Variants in PRDX6 observed in about 807,000 individuals in gnomAD.
PRDX6 encodes peroxiredoxin-6.
In PRDX6, 13 loss-of-function variants were observed where a neutral mutation model predicts 20.0. The observed-to-expected ratio is 0.65, with a 90% confidence interval of 0.42 to 1.03. The LOEUF is 1.03. PRDX6 is among the 50% of genes least tolerant of loss of function. The pLI is 0.00. For synonymous variants in PRDX6, 85 were observed against 100.8 expected, an observed-to-expected ratio of 0.84 and a Z score of 0.94; for missense variants, 203 against 276.9, an observed-to-expected ratio of 0.73 and a Z score of 1.89.
chr1:173,486,107 C>A, intron 3 of PRDX6, 148 bp from the exon 4 acceptor site: 2 of 552,444 alleles, frequency 3.6e-6, no homozygotes, highest in Non-Finnish European at 5.9e-6. Flanking sequence ...TCCAGCCATC[C>A]ACATTAGCAG....
intron 1 of PRDX6, among the ~76,000 whole-genome samples, chr1:173,480,569 A>C (rs189181166): frequency 6.9e-4 from 105 of 152,356 alleles, no homozygotes; most frequent in African/African-American, 2.5e-3. Flanking sequence ...TATTTACCTA[A>C]GAATTTGCTG....
intron 2 of PRDX6, among the ~76,000 whole-genome samples, chr1:173,484,596 A>G (rs148597798): frequency 3.6e-4 from 55 of 152,242 alleles, no homozygotes; most frequent in African/African-American, 1.2e-3. Context: ...AAATAACAAA[A>G]CTAGATTTTT....
chr1:173,484,138 T>TTATA (rs1553242243), intron 2 of PRDX6, among the ~76,000 whole-genome samples: 1 of 86,928 alleles, frequency 1.2e-5, no homozygotes, highest in East Asian at 3.6e-4. Context: ...AAAAAAAAAA[T>TTATA]TAGATATATA....
At chr1:173,481,215 T>A (rs1658795619) in intron 1 of PRDX6, 111 bp from the exon 2 acceptor site, 1 of 1,062,156 alleles carries the variant, frequency 9.4e-7, no homozygotes, top group African/African-American at 1.6e-5. Flanking sequence ...ATCATAAGCA[T>A]TCATTTAAAA....
chr1:173,479,613 G>A (rs551730760), intron 1 of PRDX6, among the ~76,000 whole-genome samples: 12 of 152,314 alleles, frequency 7.9e-5, no homozygotes, highest in African/African-American at 2.2e-4. Flanking sequence ...TTTTCCAGGG[G>A]TCTTCTGGGG....
At chr1:173,484,195 CAT>C (rs1212281745) in intron 2 of PRDX6, among the ~76,000 whole-genome samples, 2 of 136,060 alleles carry the variant, frequency 1.5e-5, no homozygotes, top group East Asian at 2.1e-4. Flanking sequence ...CACACACATA[CAT>C]ATATATACAT....
chr1:173,478,624 C>G (rs1315051882), intron 1 of PRDX6, among the ~76,000 whole-genome samples: 1 of 152,028 alleles, frequency 6.6e-6, no homozygotes, highest in Non-Finnish European at 1.5e-5. Flanking sequence ...TACTAGTGGT[C>G]CCACTACACT....
rs1416574749 is a variant in PRDX6 at position 173,477,510 on chromosome 1, A to T, written c.95+18A>T. 2 of 1,585,918 alleles carry T rather than the reference A, an allele frequency of 1.3e-6. No individual in the cohort carries two copies. Among genetic ancestry groups the T allele is most frequent in the East Asian group, 4.8e-5 (2 of 41,980 alleles). ...GGAGACTCGTAAGTGGCCACCGCGT[A>T]GCCCTGTCCTGGCCTCGGTTGCGCC... On this transcript the variant is annotated intron_variant, in intron 1 of 4. Transcript: ENST00000340385.
At chr1:173,487,691 T>C (rs770429363) in intron 4 of PRDX6, 44 bp from the exon 5 acceptor site, 1 of 1,609,254 alleles carries the variant, frequency 6.2e-7, no homozygotes, top group Admixed American at 1.7e-5. Flanking sequence ...CCTTGAAGCT[T>C]CACTATGAGA....
Position 173,488,427 on chromosome 1 carries a change from T to G in PRDX6, c.*564T>G, listed in dbSNP as rs1658938023. The G allele has an allele frequency of 6.6e-6, 1 of 152,274 alleles. No homozygotes were observed. Among genetic ancestry groups the G allele is most frequent in the Non-Finnish European group, 1.5e-5 (1 of 68,078 alleles). 9.4% of individuals were successfully genotyped at this position (152,274 alleles called of 1,614,324 possible). ...TTCATATTCTTTTAATACATCTTGA[T>G]CACAGCTGGGGGAAAAAAAGCTTTT... On this transcript the variant is annotated 3_prime_UTR_variant, in exon 5 of 5. Coordinates refer to ENST00000340385, the MANE Select transcript of PRDX6 (RefSeq NM_004905.3).
rs781737111 is a variant in PRDX6, at chr1:173,477,414, T to C, written c.17T>C (p.Leu6Pro). Residue 6 changes from leucine (L) to proline (P), a missense_variant, in exon 1 of 5, where the codon CTT becomes CCT. Transcript: ENST00000340385. ...ACCGTCGCCATGCCCGGAGGTCTGC[T>C]TCTCGGGGACGTGGCTCCCAACTTT... MPGGL[L>P]LGDVAPNFEA... 57 of 1,608,710 alleles carry C rather than the reference T, an allele frequency of 3.5e-5. No individual in the cohort carries two copies. In the East Asian group the frequency reaches 4.8e-4, roughly 13 times the overall value.
At chr1:173,487,608 A>AG in intron 4 of PRDX6, 127 bp from the exon 5 acceptor site, 2 of 1,047,190 alleles carry the variant, frequency 1.9e-6, no homozygotes, top group Non-Finnish European at 1.4e-6. Context: ...ATCCTCACAG[A>AG]GGGGAGAGTA....
At chr1:173,482,621 A>G (rs1227597867) in intron 2 of PRDX6, among the ~76,000 whole-genome samples, 1 of 152,212 alleles carries the variant, frequency 6.6e-6, no homozygotes, top group African/African-American at 2.4e-5. Context: ...AATGATAACT[A>G]CTTTTTGAGG....
At chr1:173,480,005 A>T (rs558200225) in intron 1 of PRDX6, among the ~76,000 whole-genome samples, 2 of 152,332 alleles carry the variant, frequency 1.3e-5, no homozygotes, top group East Asian at 3.8e-4. Flanking sequence ...GTTAAGTCTC[A>T]TCTAACCATT....
rs947286697 is a variant in PRDX6, at chr1:173,487,906, T to C, written c.*43T>C. ...GTGCTGTGAGCCAGAGGATGTCAGC[T>C]GCCAATTGTGTTTTCCTGCAGCAAT... On this transcript the variant is annotated 3_prime_UTR_variant, in exon 5 of 5. Transcript: ENST00000340385. 1.2e-6 allele frequency: 2 copies of C among 1,606,708 alleles called. No individual in the cohort carries two copies. The highest frequency in any genetic ancestry group is 3.4e-5 in the Admixed American group (2 of 59,386).
At chr1:173,486,765 AG>A (rs1434907852) in intron 4 of PRDX6, among the ~76,000 whole-genome samples, 1 of 152,242 alleles carries the variant, frequency 6.6e-6, no homozygotes, top group Non-Finnish European at 1.5e-5. Context: ...TGGCTGTAAA[AG>A]TACTGGTGTA....
At chr1:173,480,883 G>C (rs1337681395) in intron 1 of PRDX6, among the ~76,000 whole-genome samples, 4 of 152,140 alleles carry the variant, frequency 2.6e-5, no homozygotes, top group East Asian at 3.8e-4. Flanking sequence ...CATTTGTTTG[G>C]ATTCAGGGCA....
intron 1 of PRDX6, among the ~76,000 whole-genome samples, chr1:173,479,552 A>G (rs1469676505): frequency 6.6e-6 from 1 of 152,220 alleles, no homozygotes; most frequent in Non-Finnish European, 1.5e-5. Context: ...TGTTTCTTTA[A>G]GTGGTAGAAG....
At position 173,486,377 on chromosome 1, in the gene PRDX6, G is replaced by T. The variant is rs529302215; in HGVS notation, c.522G>T (p.Arg174Ser). 4 of 1,609,968 alleles carry T rather than the reference G, an allele frequency of 2.5e-6. No individual in the cohort carries two copies. The highest frequency in any genetic ancestry group is 2.5e-6 in the Non-Finnish European group (3 of 1,178,462). ...CTCTCCAGCTGACAGCAGAAAAAAG[G>T]GTTGCCACCCCAGTTGATTGGAAGG... The part of the protein sequence containing the change: ...VISLQLTAEK[R>S]VATPVDWKDG... Residue 174 changes from arginine (R) to serine (S), a missense_variant, in exon 4 of 5, where the codon AGG (arginine) becomes AGT (serine). Arg to Ser is a moderately radical substitution (Grantham distance 110, BLOSUM62 -1). Coordinates refer to ENST00000340385, the MANE Select transcript of PRDX6 (RefSeq NM_004905.3).
Sources: gnomAD v4.1 joint callset for allele counts (sites outside exome capture counted in the v4.1 genomes callset) on GRCh38, gnomAD v4.1.1 for gene constraint, MANE v1.5 for transcripts, NCBI Gene and HGNC (gene_info 2026-07-23, HGNC 2026-07-21) for gene names.